The following KCNJ6 variants were observed in gnomAD, a reference collection of about 807,000 sequenced individuals.
KCNJ6 encodes the protein potassium inwardly rectifying channel subfamily J member 6.
Under a neutral mutation model 34.2 loss-of-function variants are expected in KCNJ6, and 9 were observed. The observed-to-expected ratio is 0.26, with a 90% CI of 0.16 to 0.46. KCNJ6 has a LOEUF of 0.46. Among genes scored for constraint, KCNJ6 ranks in the 20% least tolerant of loss-of-function variants. KCNJ6 has a pLI of 1.00. For synonymous variants in KCNJ6, 196 were observed against 207.1 expected, an observed-to-expected ratio of 0.95 and a Z score of 0.46; for missense variants, 236 against 531.3, an observed-to-expected ratio of 0.44 and a Z score of 5.46.
At chr21:37,781,341 C>T (rs1417644783) in intron 2 of KCNJ6, among the ~76,000 whole-genome samples, 3 of 152,066 alleles carry the variant, frequency 2.0e-5, no homozygotes, top group Non-Finnish European at 4.4e-5. Context: ...GGGGTAAGGG[C>T]GCAGTGACAG....
chr21:37,744,639 C>G (rs1407268435), intron 2 of KCNJ6, among the ~76,000 whole-genome samples: 1 of 152,088 alleles, frequency 6.6e-6, no homozygotes, highest in African/African-American at 2.4e-5. Context: ...AACTAAGGAT[C>G]AGAGAGCAAT....
In KCNJ6 at chr21:37,672,790, T is replaced by C. The variant is rs577129698; in HGVS notation, c.946+41421A>G. On this transcript the variant is annotated intron_variant, in intron 3 of 3. Coordinates refer to ENST00000609713, the MANE Select transcript of KCNJ6 (RefSeq NM_002240.5). ...TCTTTCTTTCTTCTCTCTCTCTCTG[T>C]TTTCTTGAGATAGGATCTGGCTATG... 1.7e-4 allele frequency among the ~76,000 whole-genome samples: 26 copies of C among 152,152 alleles called. 1 individual carries two copies. The South Asian group carries it at 5.4e-3, about 32-fold the overall frequency.
At chr21:37,686,451 G>A (rs975800369) in intron 3 of KCNJ6, among the ~76,000 whole-genome samples, 4 of 148,220 alleles carry the variant, frequency 2.7e-5, no homozygotes, top group Admixed American at 7.0e-5. Flanking sequence ...TCACTCTCCC[G>A]GGTGAAGTCT....
chr21:37,619,350 T>C lies in KCNJ6; in HGVS notation c.*5809A>G, dbSNP rs2054283147. ...CAAGGTCTGGACTTTTTCCATCCAT[T>C]ATGTCTGTAATTACCAATCTTTGTC... On this transcript the variant is annotated 3_prime_UTR_variant, in exon 4 of 4. Transcript: ENST00000609713. 1 of 152,228 alleles carries C rather than the reference T, an allele frequency of 6.6e-6. No homozygotes were observed. Among genetic ancestry groups the C allele is most frequent in the African/African-American group, 2.4e-5 (1 of 41,456 alleles). 9.4% of individuals were successfully genotyped at this position (152,228 alleles called of 1,614,324 possible). A position where few individuals can be genotyped will look rare whatever the true frequency, so the allele number is the denominator to read the frequency against.
intron 2 of KCNJ6, among the ~76,000 whole-genome samples, chr21:37,786,527 A>C (rs1022013042): frequency 6.6e-6 from 1 of 152,214 alleles, no homozygotes; most frequent in Admixed American, 6.5e-5. Context: ...CGTGTGCCCC[A>C]CAATTCAGCT....
chr21:37,753,152 G>A (rs968014785), intron 2 of KCNJ6, among the ~76,000 whole-genome samples: 1 of 152,198 alleles, frequency 6.6e-6, no homozygotes, highest in Non-Finnish European at 1.5e-5. Context: ...CCTGCAGCGT[G>A]TGCAGCTGGG....
At chr21:37,914,008 G>GTGT (rs1555855560) in intron 1 of KCNJ6, among the ~76,000 whole-genome samples, 4 of 135,584 alleles carry the variant, frequency 3.0e-5, no homozygotes, top group South Asian at 5.2e-4. Context: ...GGCGGATCGG[G>GTGT]GTGTGTGTGT....
At chr21:37,838,475 T>C (rs796603509) in intron 2 of KCNJ6, among the ~76,000 whole-genome samples, 1 of 152,310 alleles carries the variant, frequency 6.6e-6, no homozygotes, top group African/African-American at 2.4e-5. Context: ...TCTGATGTAA[T>C]TCACCCAGAC....
Position 37,621,252 on chromosome 21 carries a change from T to A in KCNJ6, c.*3907A>T, listed in dbSNP as rs2054288952. The A allele has an allele frequency of 6.6e-6, 1 of 152,222 alleles. No homozygotes were observed. The highest frequency in any genetic ancestry group is 2.1e-4 in the South Asian group (1 of 4,830). The allele number at this position is 152,222 out of a possible 1,614,324, so 9.4% of individuals were successfully genotyped here. A position where few individuals can be genotyped will look rare whatever the true frequency, so the allele number is the denominator to read the frequency against. ...AGTAGCCAGACTATTAGCAAACTGT[T>A]TTGGAAATGATTTACTATGAGTATT... On this transcript the variant is annotated 3_prime_UTR_variant, in exon 4 of 4. Transcript: ENST00000609713.
intron 2 of KCNJ6, among the ~76,000 whole-genome samples, chr21:37,824,476 C>T (rs1383488764): frequency 6.6e-6 from 1 of 151,964 alleles, no homozygotes; most frequent in African/African-American, 2.4e-5. Context: ...GGGTGGGGGG[C>T]AAGTTCTCTC....
At chr21:37,755,294 GA>G (rs1321117746) in intron 2 of KCNJ6, among the ~76,000 whole-genome samples, 5 of 148,760 alleles carry the variant, frequency 3.4e-5, no homozygotes, top group African/African-American at 9.9e-5. Context: ...AATGAAAAAA[GA>G]AAAAAAAAGA....
At chr21:37,846,156 A>G (rs927818104) in intron 1 of KCNJ6, among the ~76,000 whole-genome samples, 2 of 152,192 alleles carry the variant, frequency 1.3e-5, no homozygotes, top group Non-Finnish European at 2.9e-5. Flanking sequence ...GGAAGTAAAT[A>G]AAGGCTCAGC....
At chr21:37,709,143 C>CG (rs1204800279) in intron 3 of KCNJ6, among the ~76,000 whole-genome samples, 6 of 105,680 alleles carry the variant, frequency 5.7e-5, no homozygotes, top group Non-Finnish European at 9.5e-5. Context: ...AACAGAAGAA[C>CG]CTTAAAGGAA....
rs572034139 is a variant in KCNJ6 at position 37,759,334 on chromosome 21, C to T, written c.26-44203G>A. On this transcript the variant is annotated intron_variant, in intron 2 of 3. Coordinates refer to ENST00000609713, the MANE Select transcript of KCNJ6 (RefSeq NM_002240.5). ...CACCACTGTGAAATGAATGGCGGGA[C>T]TGCACTGAACGGCAGAATGTTTGAG... is the stretch of plus-strand genomic sequence containing the variant. Among the ~76,000 whole-genome samples, 522 of 152,310 alleles carry T rather than the reference C, an allele frequency of 3.4e-3. 4 individuals are homozygous for T. The highest frequency in any genetic ancestry group is 0.011 in the African/African-American group (441 of 41,568).
At chr21:37,682,143 C>T (rs893232603) in intron 3 of KCNJ6, among the ~76,000 whole-genome samples, 11 of 152,290 alleles carry the variant, frequency 7.2e-5, no homozygotes, top group African/African-American at 2.4e-4. Flanking sequence ...GCCGCAGTAA[C>T]AAATTACCAC....
chr21:37,856,434 C>T (rs2055565697), intron 1 of KCNJ6, among the ~76,000 whole-genome samples: 1 of 152,188 alleles, frequency 6.6e-6, no homozygotes. Flanking sequence ...CGGCCTTAGT[C>T]AGAGCCAGCC....
At chr21:37,724,363 T>C (rs967692287) in intron 2 of KCNJ6, among the ~76,000 whole-genome samples, 1 of 152,174 alleles carries the variant, frequency 6.6e-6, no homozygotes, top group Non-Finnish European at 1.5e-5. Flanking sequence ...CGCACAACTA[T>C]TACTAGGTTT....
intron 1 of KCNJ6, among the ~76,000 whole-genome samples, chr21:37,888,674 G>A (rs1042881797): frequency 6.6e-6 from 1 of 152,216 alleles, no homozygotes; most frequent in Admixed American, 6.5e-5. Flanking sequence ...AGACCTGGTG[G>A]GGCAGGAGAT....
chr21:37,757,945 C>A lies in KCNJ6; in HGVS notation c.26-42814G>T, dbSNP rs914399839. On this transcript the variant is annotated intron_variant, in intron 2 of 3. Transcript: ENST00000609713. Reference sequence around the variant, plus strand: ...ACAATGTCAAATCTTAGAATGAGATCAGGTTTCCAGCAGGTGTCCCTGCAT... The same window carrying A: ...ACAATGTCAAATCTTAGAATGAGATAAGGTTTCCAGCAGGTGTCCCTGCAT... 2.6e-5 allele frequency among the ~76,000 whole-genome samples: 4 copies of A among 152,348 alleles called. No individual in the cohort carries two copies. In the South Asian group the frequency reaches 8.3e-4, roughly 32 times the overall value.
Sources: allele counts gnomAD v4.1 joint callset (sites outside exome capture counted in the v4.1 genomes callset), GRCh38; gene constraint gnomAD v4.1.1; transcripts MANE v1.5; gene names NCBI Gene and HGNC (gene_info 2026-07-23, HGNC 2026-07-21).